GPATCH2: variants seen among roughly 807,000 people sequenced by gnomAD.
GPATCH2 encodes the protein G-patch domain containing 2.
In GPATCH2, 51 loss-of-function variants were observed where a neutral mutation model predicts 58.0. The ratio of observed to expected loss-of-function variants is 0.88; its 90% CI spans 0.70 to 1.11. The LOEUF (loss-of-function observed/expected upper bound fraction) is 1.11, where lower values mean the gene tolerates loss of function less well. GPATCH2 is among the 50% of genes most tolerant of loss of function. The pLI is 0.00. For missense variants in GPATCH2, 625 were observed against 652.2 expected (o/e 0.96, Z 0.45); for synonymous variants, 222 against 218.5 (o/e 1.02, Z -0.14).
At chr1:217,515,009 A>G in intron 5 of GPATCH2, 120 bp from the exon 6 acceptor site, 1 of 651,330 alleles carries the variant, frequency 1.5e-6, no homozygotes, top group Non-Finnish European at 2.8e-6. Context: ...AGATTTTCAA[A>G]TCTCAGACAA....
In GPATCH2 at chr1:217,555,586, C is replaced by A. The variant is rs182882720; in HGVS notation, c.1099-40697G>T. Among the ~76,000 whole-genome samples the A allele has an allele frequency of 1.6e-3, 250 of 152,240 alleles. 1 individual carries two copies. Among genetic ancestry groups the A allele is most frequent in the Admixed American group, 2.8e-3 (43 of 15,284 alleles). On this transcript the variant is annotated intron_variant, in intron 5 of 9. Coordinates refer to ENST00000366935, the MANE Select transcript of GPATCH2 (RefSeq NM_018040.5). Reference sequence around the variant, plus strand: ...TAAAGAAAGAAAAATGTCCATGATACTTATTAATCAAATTGTTTCTCAAAA... The same window carrying A: ...TAAAGAAAGAAAAATGTCCATGATAATTATTAATCAAATTGTTTCTCAAAA...
intron 5 of GPATCH2, among the ~76,000 whole-genome samples, chr1:217,515,933 G>A (rs1663121434): frequency 1.3e-5 from 2 of 152,034 alleles, no homozygotes; most frequent in South Asian, 4.1e-4. Context: ...TTAGATCAAG[G>A]AAGTGGTGAG....
chr1:217,603,859 G>C (rs192125250), intron 5 of GPATCH2, among the ~76,000 whole-genome samples: 1 of 152,092 alleles, frequency 6.6e-6, no homozygotes, highest in Admixed American at 6.5e-5. Flanking sequence ...CTGACCTTAA[G>C]TGATCCATCT....
chr1:217,625,602 G>A lies in GPATCH2; in HGVS notation c.57-5103C>T, dbSNP rs555225881. ...AGTATATATAGAAAAGTTAGTCAGGGAATAATTTCCTTGCCTAGATGCTGA... is the reference window on the plus strand; with the variant it reads ...AGTATATATAGAAAAGTTAGTCAGGAAATAATTTCCTTGCCTAGATGCTGA... On this transcript the variant is annotated intron_variant, in intron 1 of 9. Coordinates refer to ENST00000366935, the MANE Select transcript of GPATCH2 (RefSeq NM_018040.5). Among the ~76,000 whole-genome samples the A allele has an allele frequency of 4.0e-4, 61 of 152,222 alleles. 1 individual carries two copies. The South Asian group carries it at 8.3e-3, about 21-fold the overall frequency.
In GPATCH2 at chr1:217,514,770, A is replaced by C. The variant is rs560667237; in HGVS notation, c.1166+52T>G. On this transcript the variant is annotated intron_variant, in intron 6 of 9. Coordinates refer to ENST00000366935, the MANE Select transcript of GPATCH2 (RefSeq NM_018040.5). ...TAGTAGTAGCTAATAATTTCCCAAA[A>C]GAGCTAAGTAGAATACTCCAATAAG... 61 of 794,964 alleles carry C rather than the reference A, an allele frequency of 7.7e-5. 1 individual carries two copies. The highest frequency in any genetic ancestry group is 7.5e-4 in the South Asian group (47 of 62,622). The allele number at this position is 794,964 out of a possible 1,614,324, so 49.2% of individuals were successfully genotyped here.
intron 5 of GPATCH2, among the ~76,000 whole-genome samples, chr1:217,568,469 A>T (rs1666372352): frequency 6.6e-6 from 1 of 152,154 alleles, no homozygotes; most frequent in African/African-American, 2.4e-5. Flanking sequence ...CCAGATAAGT[A>T]CTATGGGGGA....
At chr1:217,625,535 CCT>C (rs1422208884) in intron 1 of GPATCH2, among the ~76,000 whole-genome samples, 1 of 151,894 alleles carries the variant, frequency 6.6e-6, no homozygotes, top group Non-Finnish European at 1.5e-5. Context: ...CTTTTTGAAG[CCT>C]CTGTTACCAA....
chr1:217,453,485 T>A (rs886931697), intron 8 of GPATCH2, among the ~76,000 whole-genome samples: 1 of 152,148 alleles, frequency 6.6e-6, no homozygotes, highest in Non-Finnish European at 1.5e-5. Context: ...TTCTGAAAAT[T>A]TTCCTATTAA....
At chr1:217,507,348 CTAAAAT>C (rs890270320) in intron 6 of GPATCH2, among the ~76,000 whole-genome samples, 1 of 152,132 alleles carries the variant, frequency 6.6e-6, no homozygotes, top group Non-Finnish European at 1.5e-5. Flanking sequence ...AAAGTCAACT[CTAAAAT>C]TATGCTCAAG....
intron 5 of GPATCH2, among the ~76,000 whole-genome samples, chr1:217,542,827 T>G (rs1288256013): frequency 6.6e-6 from 1 of 152,210 alleles, no homozygotes; most frequent in Non-Finnish European, 1.5e-5. Context: ...CAAGATATTT[T>G]CTTCCACAGG....
intron 5 of GPATCH2, among the ~76,000 whole-genome samples, chr1:217,579,143 C>T (rs1332240559): frequency 6.6e-6 from 1 of 151,942 alleles, no homozygotes; most frequent in East Asian, 1.9e-4. Flanking sequence ...TAAACACACA[C>T]ACAAAAAGGA....
intron 5 of GPATCH2, among the ~76,000 whole-genome samples, chr1:217,587,896 A>G (rs970133069): frequency 1.3e-5 from 2 of 152,202 alleles, no homozygotes; most frequent in African/African-American, 4.8e-5. Context: ...CCAAAAGCAT[A>G]AAACTAGTAA....
intron 5 of GPATCH2, among the ~76,000 whole-genome samples, chr1:217,556,592 T>C (rs983277697): frequency 6.6e-6 from 1 of 152,324 alleles, no homozygotes; most frequent in African/African-American, 2.4e-5. Context: ...TATACCACAA[T>C]TTATCCATTT....
intron 5 of GPATCH2, among the ~76,000 whole-genome samples, chr1:217,532,513 C>G (rs1664242540): frequency 6.6e-6 from 1 of 152,208 alleles, no homozygotes; most frequent in Admixed American, 6.5e-5. Flanking sequence ...ACTGAAAAGG[C>G]CCCTGAATTT....
intron 8 of GPATCH2, among the ~76,000 whole-genome samples, chr1:217,454,445 C>A (rs1013889024): frequency 6.6e-6 from 1 of 151,670 alleles, no homozygotes; most frequent in Non-Finnish European, 1.5e-5. Flanking sequence ...AAAAATTAGC[C>A]GGGCGTGGTG....
chr1:217,609,106 G>T, intron 5 of GPATCH2: 2 of 827,888 alleles, frequency 2.4e-6, no homozygotes, highest in Non-Finnish European at 2.9e-6. Context: ...CATTATTGAA[G>T]CTTAATAAAA....
rs757094762 is a variant in GPATCH2 at position 217,610,940 on chromosome 1, C to A, written c.967G>T (p.Glu323Ter). The A allele has an allele frequency of 6.8e-6, 11 of 1,613,656 alleles. No homozygotes were observed. The South Asian group carries it at 1.1e-4, about 16-fold the overall frequency. Residue 323 changes from glutamate to a stop codon, truncating the protein, a stop_gained, in exon 4 of 10, where the codon GAA (glutamate) becomes TAA (stop). Transcript: ENST00000366935. LOFTEE classifies it high-confidence loss of function. ...LDKNVPDPVF[E>*]SILTGSFPLM... is the part of the protein sequence containing the mutation. ...GGAAAAGAACCAGTTAAGATACTTTCAAAGACAGGATCTGGTACATTTTTG... is the reference window on the plus strand; with the variant it reads ...GGAAAAGAACCAGTTAAGATACTTTAAAAGACAGGATCTGGTACATTTTTG...
Position 217,614,132 on chromosome 1 carries a change from T to C in GPATCH2, c.835+9A>G, listed in dbSNP as rs753821492. 2.0e-6 allele frequency: 3 copies of C among 1,493,998 alleles called. No homozygotes were observed. Among genetic ancestry groups the C allele is most frequent in the South Asian group, 2.3e-5 (2 of 88,360 alleles). The allele number at this position is 1,493,998 out of a possible 1,614,324, so 92.5% of individuals were successfully genotyped here. A position where few individuals can be genotyped will look rare whatever the true frequency, so the allele number is the denominator to read the frequency against. ...TTTCCAAAGAGAGAAAAAAATATCA[T>C]TTCAGTACCTTGTCTTCCCTCATCA... On this transcript the variant is annotated intron_variant, in intron 3 of 9. Transcript: ENST00000366935.
chr1:217,523,226 G>A (rs947694005), intron 5 of GPATCH2, among the ~76,000 whole-genome samples: 1 of 151,424 alleles, frequency 6.6e-6, no homozygotes, highest in Non-Finnish European at 1.5e-5. Flanking sequence ...CCCAGAGGGG[G>A]ATTTGGCAGG....
Sources: gnomAD v4.1 joint callset for allele counts (sites outside exome capture counted in the v4.1 genomes callset) on GRCh38, gnomAD v4.1.1 for gene constraint, MANE v1.5 for transcripts, NCBI Gene and HGNC (gene_info 2026-07-23, HGNC 2026-07-21) for gene names.